The following LUC7L2 variants were observed in gnomAD, a reference collection of about 807,000 sequenced individuals.
LUC7L2 encodes LUC7 like 2, pre-mRNA splicing factor, also known as putative RNA-binding protein Luc7-like 2.
A neutral mutation model predicts 52.8 loss-of-function variants in LUC7L2; 25 were observed. That is an observed-to-expected ratio of 0.47 (90% CI 0.34 to 0.66). The LOEUF (loss-of-function observed/expected upper bound fraction) is 0.66, where lower values mean the gene tolerates loss of function less well. LUC7L2 is among the 30% of genes least tolerant of loss of function. LUC7L2 has a pLI of 0.01. For synonymous variants in LUC7L2, 144 were observed against 160.9 expected (o/e 0.89, Z 0.80); for missense variants, 328 against 497.8 (o/e 0.66, Z 3.25).
rs945245029 is a variant in LUC7L2 at position 139,403,828 on chromosome 7, C to A, written c.366+1581C>A. Reference sequence around the variant, plus strand: ...CCACTAGAGGATGCAGAGCCATGCCCAGCAGGCTAGCCTGGCCGTGTTCTC... The same window carrying A: ...CCACTAGAGGATGCAGAGCCATGCCAAGCAGGCTAGCCTGGCCGTGTTCTC... On this transcript the variant is annotated intron_variant, in intron 4 of 9. Transcript: ENST00000354926. Among the ~76,000 whole-genome samples the A allele has an allele frequency of 4.6e-5, 7 of 152,310 alleles. No individual in the cohort carries two copies. The Middle Eastern group carries it at 0.014, about 296-fold the overall frequency.
intron 2 of LUC7L2, among the ~76,000 whole-genome samples, chr7:139,384,703 G>T (rs568540055): frequency 6.6e-6 from 1 of 152,104 alleles, no homozygotes; most frequent in Non-Finnish European, 1.5e-5. Flanking sequence ...AGTAAACGGG[G>T]TACTCACGCC....
intron 1 of LUC7L2, among the ~76,000 whole-genome samples, chr7:139,348,376 A>G (rs2131151984): frequency 6.6e-6 from 1 of 151,896 alleles, no homozygotes; most frequent in East Asian, 1.9e-4. Flanking sequence ...GAATTGTCTA[A>G]TGGTAAGAAA....
chr7:139,347,942 C>G (rs553597877), intron 1 of LUC7L2, among the ~76,000 whole-genome samples: 1 of 152,074 alleles, frequency 6.6e-6, no homozygotes, highest in African/African-American at 2.4e-5. Context: ...CTCAAGTGAT[C>G]GCCCGCCTGG....
At chr7:139,377,268 A>G (rs1418786433) in intron 2 of LUC7L2, among the ~76,000 whole-genome samples, 1 of 152,092 alleles carries the variant, frequency 6.6e-6, no homozygotes, top group Admixed American at 6.6e-5. Flanking sequence ...GCAGTGGCGC[A>G]ATCTCAGCTC....
exon 1 of LUC7L2, chr7:139,340,473 T>A (rs1192541067): frequency 2.5e-6 from 1 of 398,398 alleles, no homozygotes; most frequent in African/African-American, 2.1e-5. Flanking sequence ...CGCAGAAGCG[T>A]GCGCGCGCCC....
chr7:139,388,533 G>T (rs549801950), intron 2 of LUC7L2, among the ~76,000 whole-genome samples: 7 of 151,696 alleles, frequency 4.6e-5, no homozygotes, highest in African/African-American at 1.7e-4. Context: ...TGTGTAATTC[G>T]TTAGAGCATC....
chr7:139,401,829 C>A (rs1010889160), intron 3 of LUC7L2, among the ~76,000 whole-genome samples: 3 of 150,628 alleles, frequency 2.0e-5, no homozygotes, highest in Admixed American at 1.3e-4. Flanking sequence ...TCAGGGCTCA[C>A]TGCAGCCTCA....
chr7:139,399,449 ATTTTTTTTTTTTTTTT>A (rs71169090), intron 3 of LUC7L2, among the ~76,000 whole-genome samples: 25 of 50,458 alleles, frequency 5.0e-4, no homozygotes, highest in South Asian at 1.6e-3. Flanking sequence ...TGTTTGGGGG[ATTTTTTTTTTTTTTTT>A]TTTTTTTTTT....
intron 1 of LUC7L2, among the ~76,000 whole-genome samples, chr7:139,369,083 T>A (rs1800312108): frequency 6.6e-6 from 1 of 152,204 alleles, no homozygotes; most frequent in South Asian, 2.1e-4. Flanking sequence ...TTGTCTTTTT[T>A]AATAGATAAA....
chr7:139,353,809 A>C (rs1799528197), intron 1 of LUC7L2, among the ~76,000 whole-genome samples: 1 of 151,716 alleles, frequency 6.6e-6, no homozygotes, highest in Admixed American at 6.6e-5. Context: ...CCCAAAAAAA[A>C]CAAAGAAACA....
chr7:139,363,342 C>A, intron 1 of LUC7L2: 1 of 699,724 alleles, frequency 1.4e-6, no homozygotes, highest in Non-Finnish European at 1.8e-6. Context: ...GGGGGTCTGA[C>A]TGTATTTGGA....
intron 1 of LUC7L2, chr7:139,341,366 C>G: frequency 5.0e-6 from 8 of 1,597,212 alleles, no homozygotes; most frequent in Non-Finnish European, 6.9e-6. Flanking sequence ...GGGCACCACG[C>G]TCGGAGAAGG....
chr7:139,422,016 T>C, intron 9 of LUC7L2, 147 bp from the exon 10 acceptor site: 1 of 1,286,190 alleles, frequency 7.8e-7, no homozygotes. Flanking sequence ...GGTAGTGCTC[T>C]GTAATTTGTC....
At chr7:139,396,533 T>C (rs1392736071) in intron 2 of LUC7L2, among the ~76,000 whole-genome samples, 3 of 152,236 alleles carry the variant, frequency 2.0e-5, no homozygotes, top group African/African-American at 7.2e-5. Context: ...TCTGCTGCTT[T>C]ATGAAAAATT....
chr7:139,362,710 C>A (rs1228010609), intron 1 of LUC7L2, among the ~76,000 whole-genome samples: 1 of 151,506 alleles, frequency 6.6e-6, no homozygotes, highest in African/African-American at 2.4e-5. Flanking sequence ...TGACCCCCTC[C>A]ACTCTTAGTG....
intron 1 of LUC7L2, among the ~76,000 whole-genome samples, chr7:139,362,860 TAAGTCTG>T (rs1377744611): frequency 6.6e-6 from 1 of 152,158 alleles, no homozygotes; most frequent in Non-Finnish European, 1.5e-5. Flanking sequence ...ATTGGAGATT[TAAGTCTG>T]TTAGTTAAAT....
At chr7:139,402,379 C>G (rs1794952145) in intron 4 of LUC7L2, 132 bp downstream of exon 4, 2 of 844,418 alleles carry the variant, frequency 2.4e-6, no homozygotes, top group South Asian at 4.0e-5. Flanking sequence ...ACTTTCTTGT[C>G]TGCCCCAGTG....
chr7:139,366,033 C>A (rs1243039648), intron 1 of LUC7L2, among the ~76,000 whole-genome samples: 1 of 152,210 alleles, frequency 6.6e-6, no homozygotes, highest in Non-Finnish European at 1.5e-5. Flanking sequence ...ACTCTGAAAT[C>A]ATCTGCAGCT....
rs1182522704 is a variant in LUC7L2, at chr7:139,422,466, G to A, written c.*126G>A. 3 of 1,436,446 alleles carry A rather than the reference G, an allele frequency of 2.1e-6. No individual in the cohort carries two copies. The East Asian group carries it at 7.2e-5, about 35-fold the overall frequency. The allele number at this position is 1,436,446 out of a possible 1,614,324, so 89.0% of individuals were successfully genotyped here. On this transcript the variant is annotated 3_prime_UTR_variant, in exon 10 of 10. Transcript: ENST00000354926. The stretch of plus-strand genomic sequence containing the variant: ...CAGATCCAGCTAGGCTAGATGTACA[G>A]TATCTAACTTGATCTGAACTGAACC...
Sources: gnomAD v4.1 joint callset for allele counts (sites outside exome capture counted in the v4.1 genomes callset) on GRCh38, gnomAD v4.1.1 for gene constraint, MANE v1.5 for transcripts, NCBI Gene and HGNC (gene_info 2026-07-23, HGNC 2026-07-21) for gene names.